The following LEF1 variants were observed in gnomAD, a reference collection of about 807,000 sequenced individuals.
LEF1 encodes the protein lymphoid enhancer binding factor 1.
A neutral mutation model predicts 51.2 loss-of-function variants in LEF1; 14 were observed. The ratio of observed to expected loss-of-function variants is 0.27; its 90% confidence interval spans 0.18 to 0.43. The LOEUF is 0.43. Among genes scored for constraint, LEF1 ranks in the 20% least tolerant of loss-of-function variants. The pLI, the probability that LEF1 is intolerant of heterozygous loss-of-function variation, is 1.00. For missense variants in LEF1, 386 were observed against 512.0 expected, an observed-to-expected ratio of 0.75 and a Z score of 2.37; for synonymous variants, 185 against 183.2, an observed-to-expected ratio of 1.01 and a Z score of -0.08.
At chr4:108,116,133 G>A (rs543165312) in intron 3 of LEF1, among the ~76,000 whole-genome samples, 1 of 152,310 alleles carries the variant, frequency 6.6e-6, no homozygotes, top group African/African-American at 2.4e-5. Context: ...GATCAAGGTA[G>A]CTGTGTGGGA....
In LEF1 at chr4:108,115,846, T is replaced by TACACACACACACACACACACACACAC. The variant is rs55839332; in HGVS notation, c.415-26615_415-26590dup. 1.3e-3 allele frequency among the ~76,000 whole-genome samples: 177 copies of TACACACACACACACACACACACACAC among 139,364 alleles called. 4 individuals carry two copies. The highest frequency in any genetic ancestry group is 4.0e-3 in the African/African-American group (148 of 36,766). The allele number at this position is 139,364 out of a possible 152,430, so 91.4% of individuals were successfully genotyped here. A position where few individuals can be genotyped will look rare whatever the true frequency, so the allele number is the denominator to read the frequency against. On this transcript the variant is annotated intron_variant, in intron 3 of 11. Transcript: ENST00000265165. ...AAAGGTCTGCCTATAATGTAACACATACACACACACACACACACACACACA... is the reference window on the plus strand; with the variant it reads ...AAAGGTCTGCCTATAATGTAACACATACACACACACACACACACACACACACACACACACACACACACACACACACA...
intron 3 of LEF1, among the ~76,000 whole-genome samples, chr4:108,103,150 G>A (rs1560791760): frequency 6.6e-6 from 1 of 152,354 alleles, no homozygotes; most frequent in East Asian, 1.9e-4. Flanking sequence ...AGTGAGAATT[G>A]TCAAGCTGCA....
In LEF1 at chr4:108,168,096, G is replaced by A. The variant is rs1339879885; in HGVS notation, c.-329C>T. On this transcript the variant is annotated 5_prime_UTR_variant, in exon 1 of 12. Coordinates refer to ENST00000265165, the MANE Select transcript of LEF1 (RefSeq NM_016269.5). This position sits in a 1 kb window ranked among gnomAD's most constrained non-coding sequence, Gnocchi z 4.6. ...GTCTGCGCGGCGCGCGCTAGACGAG[G>A]CTGCCCCGGCGGCCACCCCGCGACC... 6.5e-6 allele frequency: 1 copy of A among 153,702 alleles called. No individual in the cohort carries two copies. Among genetic ancestry groups the A allele is most frequent in the Admixed American group, 6.5e-5 (1 of 15,350 alleles). 9.5% of individuals were successfully genotyped at this position (153,702 alleles called of 1,614,324 possible). A position where few individuals can be genotyped will look rare whatever the true frequency, so the allele number is the denominator to read the frequency against.
chr4:108,120,750 C>T (rs943416967), intron 3 of LEF1, among the ~76,000 whole-genome samples: 6 of 152,174 alleles, frequency 3.9e-5, no homozygotes, highest in African/African-American at 1.4e-4. Flanking sequence ...TTATATAATA[C>T]CACAATCACA....
chr4:108,110,503 A>G (rs1741460849), intron 3 of LEF1, among the ~76,000 whole-genome samples: 1 of 152,120 alleles, frequency 6.6e-6, no homozygotes, highest in Non-Finnish European at 1.5e-5. Context: ...AACACAATGG[A>G]GCTTTTTTCC....
intron 3 of LEF1, among the ~76,000 whole-genome samples, chr4:108,111,259 G>A (rs1434881805): frequency 6.6e-6 from 1 of 152,146 alleles, no homozygotes; most frequent in Non-Finnish European, 1.5e-5. Flanking sequence ...CTTTTTTCCT[G>A]AATGTATCTA....
At position 108,081,003 on chromosome 4, in the gene LEF1, G is replaced by A. The variant is rs147090845; in HGVS notation, c.722+583C>T. Among the ~76,000 whole-genome samples, 41 of 148,302 alleles carry A rather than the reference G, an allele frequency of 2.8e-4. No homozygotes were observed. In the East Asian group the frequency reaches 6.9e-3, roughly 25 times the overall value. ...CTCGGTGCGGCGCGGCAGGCCTCCC[G>A]AGCTCCGCTGGCATGACCATGTCCA... is the stretch of plus-strand genomic sequence containing the variant. On this transcript the variant is annotated intron_variant, in intron 6 of 11. Coordinates refer to ENST00000265165, the MANE Select transcript of LEF1 (RefSeq NM_016269.5).
intron 4 of LEF1, among the ~76,000 whole-genome samples, chr4:108,088,743 A>T (rs377089029): frequency 3.9e-5 from 1 of 25,962 alleles, no homozygotes; most frequent in African/African-American, 6.4e-5. Flanking sequence ...GATTCAAAAG[A>T]ATAAATCTCC....
chr4:108,129,075 G>A (rs377263542), intron 3 of LEF1, among the ~76,000 whole-genome samples: 3 of 152,176 alleles, frequency 2.0e-5, no homozygotes, highest in East Asian at 3.9e-4. Context: ...ACTCAAAGCT[G>A]AATCAGGACA....
At chr4:108,141,116 G>C (rs963574982) in intron 3 of LEF1, among the ~76,000 whole-genome samples, 3 of 152,182 alleles carry the variant, frequency 2.0e-5, no homozygotes, top group Non-Finnish European at 4.4e-5. Flanking sequence ...ATCAGCAAGT[G>C]TAATAAACCA....
At chr4:108,051,241 C>T (rs1235040986) in intron 11 of LEF1, among the ~76,000 whole-genome samples, 1 of 152,006 alleles carries the variant, frequency 6.6e-6, no homozygotes. Flanking sequence ...GCAACTAATC[C>T]CTTTCAGGGA....
rs769230207 is a variant in LEF1, at chr4:108,075,184, A to G, written c.1008+3036T>C. 4.6e-5 allele frequency among the ~76,000 whole-genome samples: 7 copies of G among 152,198 alleles called. No individual in the cohort carries two copies. In the East Asian group the frequency reaches 1.2e-3, roughly 25 times the overall value. On this transcript the variant is annotated intron_variant, in intron 8 of 11. Transcript: ENST00000265165. ...GGCATTGTACACAGGACACCAAAAA[A>G]GCTATAATCTATCACCACATCCTCC...
intron 8 of LEF1, among the ~76,000 whole-genome samples, chr4:108,071,087 C>T (rs977927555): frequency 3.5e-4 from 53 of 152,328 alleles, no homozygotes; most frequent in African/African-American, 1.2e-3. Flanking sequence ...AGAACTTTCA[C>T]TGGTGAACCT....
chr4:108,078,652 A>C (rs544484485), intron 7 of LEF1, among the ~76,000 whole-genome samples: 1 of 152,278 alleles, frequency 6.6e-6, no homozygotes, highest in African/African-American at 2.4e-5. Context: ...GTCATTATAG[A>C]ACTATGAACA....
At chr4:108,060,962 T>C (rs1339749414) in intron 11 of LEF1, among the ~76,000 whole-genome samples, 6 of 151,948 alleles carry the variant, frequency 3.9e-5, no homozygotes, top group African/African-American at 1.5e-4. Context: ...GGGGTGGGGG[T>C]ACAACAGAAA....
chr4:108,166,600 T>A (rs1211424050), intron 1 of LEF1: 2 of 1,101,878 alleles, frequency 1.8e-6, no homozygotes, highest in Admixed American at 9.8e-5. Context: ...AGCGCGGCCC[T>A]GCTCCGCGCT....
intron 3 of LEF1, among the ~76,000 whole-genome samples, chr4:108,109,527 C>T (rs944534529): frequency 6.6e-6 from 1 of 152,044 alleles, no homozygotes; most frequent in African/African-American, 2.4e-5. Flanking sequence ...ACAGAGTGAC[C>T]CTTGAAGGAC....
chr4:108,099,609 TATATATATAA>T (rs1740670046), intron 3 of LEF1, among the ~76,000 whole-genome samples: 5 of 117,292 alleles, frequency 4.3e-5, no homozygotes, highest in African/African-American at 1.8e-4. Context: ...TATATATATA[TATATATATAA>T]ATAATACTTG....
At chr4:108,104,110 T>A (rs912171935) in intron 3 of LEF1, among the ~76,000 whole-genome samples, 1 of 152,174 alleles carries the variant, frequency 6.6e-6, no homozygotes, top group African/African-American at 2.4e-5. Flanking sequence ...ATGGATGAAC[T>A]CTGAAAACAT....
Sources: gnomAD v4.1 joint callset for allele counts (sites outside exome capture counted in the v4.1 genomes callset) on GRCh38, gnomAD v4.1.1 for gene constraint, Gnocchi (gnomAD v3.1) non-coding constraint, MANE v1.5 for transcripts, NCBI Gene and HGNC (gene_info 2026-07-23, HGNC 2026-07-21) for gene names.